PREX1: variants seen among roughly 807,000 people sequenced by gnomAD.
PREX1 encodes the protein phosphatidylinositol 3,4,5-trisphosphate-dependent Rac exchanger 1 protein.
A neutral mutation model predicts 198.3 loss-of-function variants in PREX1; 41 were observed. The ratio of observed to expected loss-of-function variants is 0.21; its 90% CI spans 0.16 to 0.27. The LOEUF is 0.27. Ranked by LOEUF, PREX1 falls within the 10% of genes least tolerant of loss-of-function variation. PREX1 has a pLI of 1.00. For synonymous variants in PREX1, 843 were observed against 887.2 expected, an observed-to-expected ratio of 0.95 and a Z score of 0.89; for missense variants, 1,620 against 2,200.7, an observed-to-expected ratio of 0.74 and a Z score of 5.28.
intron 5 of PREX1, among the ~76,000 whole-genome samples, chr20:48,724,052 A>G (rs1382413004): frequency 6.6e-6 from 1 of 152,216 alleles, no homozygotes; most frequent in African/African-American, 2.4e-5. Flanking sequence ...ACACAGAGCC[A>G]CCGACCTTAG....
At chr20:48,755,194 A>T (rs190550839) in intron 1 of PREX1, among the ~76,000 whole-genome samples, 2 of 152,354 alleles carry the variant, frequency 1.3e-5, no homozygotes, top group East Asian at 3.9e-4. Context: ...TAGGAAAAAA[A>T]ATCAAGTTAC....
rs1411652473 is a variant in PREX1, at chr20:48,666,972, C to T, written c.1666-617G>A. On this transcript the variant is annotated intron_variant, in intron 14 of 39. Coordinates refer to ENST00000371941, the MANE Select transcript of PREX1 (RefSeq NM_020820.4). This position sits in a 1 kb window ranked among gnomAD's most constrained non-coding sequence, Gnocchi z 4.3. ...CCCATTCCTCCCTGGTCAAGAAGCCCTCATCCATCTCCAGCCTCCCTTGCA... is the reference window on the plus strand; with the variant it reads ...CCCATTCCTCCCTGGTCAAGAAGCCTTCATCCATCTCCAGCCTCCCTTGCA... Among the ~76,000 whole-genome samples the T allele has an allele frequency of 6.6e-6, 1 of 152,160 alleles. No homozygotes were observed. Among genetic ancestry groups the T allele is most frequent in the Non-Finnish European group, 1.5e-5 (1 of 68,032 alleles).
intron 19 of PREX1, 95 bp downstream of exon 19, chr20:48,655,195 A>AGAAGCCTAGAGTTCAGAAGGCTC: frequency 1.6e-6 from 2 of 1,230,220 alleles, no homozygotes; most frequent in Non-Finnish European, 2.2e-6. Context: ...ATTGTCTGGC[A>AGAAGCCTAGAGTTCAGAAGGCTC]GAAGCCTAGA....
Position 48,645,856 on chromosome 20 carries a change from G to C in PREX1, c.3507C>G (p.Ser1169=). 1 of 1,613,998 alleles carries C rather than the reference G, an allele frequency of 6.2e-7. No homozygotes were observed. The highest frequency in any genetic ancestry group is 8.5e-7 in the Non-Finnish European group (1 of 1,179,964). ...SGHDTMSYRD[S]YSECNSNRDS... ...CCCCTGACGGTGACACCCACCTGTA[G>C]GAGTCGCGATAACTCATGGTGTCGT... The change falls in exon 26 of 40, where the codon TCC becomes TCG. Residue 1169 remains serine (S), a synonymous_variant. Transcript: ENST00000371941.
intron 1 of PREX1, among the ~76,000 whole-genome samples, chr20:48,777,459 T>C (rs539626291): frequency 6.6e-6 from 1 of 151,888 alleles, no homozygotes; most frequent in South Asian, 2.1e-4. Flanking sequence ...CACCCAGAAG[T>C]GCCTACAGAC....
At chr20:48,702,794 T>C (rs1266743085) in intron 6 of PREX1, among the ~76,000 whole-genome samples, 7 of 152,250 alleles carry the variant, frequency 4.6e-5, no homozygotes, top group Non-Finnish European at 8.8e-5. Flanking sequence ...GGCCGCTGCA[T>C]CGCTTCCTTA....
At chr20:48,641,842 GGAAGGAAGGA>G (rs768525126) in intron 29 of PREX1, among the ~76,000 whole-genome samples, 405 of 14,762 alleles carry the variant, frequency 0.027, 3 homozygotes, top group African/African-American at 0.063. Context: ...GAGAGAGAGA[GGAAGGAAGGA>G]AGGAAGGAAG....
Position 48,679,751 on chromosome 20 carries a change from G to C in PREX1, c.1439C>G (p.Ser480Cys), listed in dbSNP as rs751554710. 6.2e-7 allele frequency: 1 copy of C among 1,609,308 alleles called. No individual in the cohort carries two copies. The highest frequency in any genetic ancestry group is 8.5e-7 in the Non-Finnish European group (1 of 1,175,696). ...CTCATTCTTGAACTGGTGCTTGTCG[G>C]AAACTGGAGAGACAGGAGGACCTGT... ...LLENGIIHHV[S>C]DKHQFKNEQV... is the part of the protein sequence containing the mutation. Residue 480 changes from serine (S) to cysteine (C), a missense_variant, in exon 12 of 40, where the codon TCC becomes TGC. Ser to Cys is a moderately radical substitution (Grantham distance 112, BLOSUM62 -1). Coordinates refer to ENST00000371941, the MANE Select transcript of PREX1 (RefSeq NM_020820.4).
chr20:48,846,963 C>T, the PREX1 span, among the ~76,000 whole-genome samples: 1 of 152,144 alleles, frequency 6.6e-6, no homozygotes, highest in Non-Finnish European at 1.5e-5. Flanking sequence ...TTCTACAAAG[C>T]CTCTGGGAGT....
intron 7 of PREX1, among the ~76,000 whole-genome samples, chr20:48,698,441 G>A (rs1236206724): frequency 1.3e-5 from 2 of 152,148 alleles, no homozygotes; most frequent in Non-Finnish European, 2.9e-5. Flanking sequence ...GCGGGGCAGG[G>A]CTCAGGGTGG....
Position 48,684,136 on chromosome 20 carries a change from G to A in PREX1, c.1335-2801C>T, listed in dbSNP as rs975422949. Among the ~76,000 whole-genome samples the A allele has an allele frequency of 1.3e-5, 2 of 151,972 alleles. No homozygotes were observed. The highest frequency in any genetic ancestry group is 1.3e-4 in the Admixed American group (2 of 15,254). Reference sequence around the variant, plus strand: ...CAGCTTTCATCCCTCCTTCCTTCCCGCCTCCTAGAATCATTCACCCACTAA... The same window carrying A: ...CAGCTTTCATCCCTCCTTCCTTCCCACCTCCTAGAATCATTCACCCACTAA... On this transcript the variant is annotated intron_variant, in intron 10 of 39. Transcript: ENST00000371941. The surrounding 1 kb of genome is among the most constrained non-coding windows in gnomAD (Gnocchi z 4.2).
chr20:48,812,992 A>C (rs183625028), intron 1 of PREX1, among the ~76,000 whole-genome samples: 131 of 152,314 alleles, frequency 8.6e-4, no homozygotes, highest in African/African-American at 3.0e-3. Context: ...TATTTCCCAA[A>C]TTTTCTAAAA....
chr20:48,661,439 A>G (rs2089591573), intron 15 of PREX1, among the ~76,000 whole-genome samples: 1 of 104,816 alleles, frequency 9.5e-6, no homozygotes, highest in Non-Finnish European at 1.7e-5. Flanking sequence ...AAAAAAAAAA[A>G]AAAAAATATA....
At chr20:48,858,287 G>A in the PREX1 span, among the ~76,000 whole-genome samples, 6 of 152,240 alleles carry the variant, frequency 3.9e-5, no homozygotes, top group Admixed American at 6.5e-5. Flanking sequence ...ACTCTGTCTC[G>A]TCCGCCTTGG....
chr20:48,737,360 C>T (rs6066830), intron 3 of PREX1, among the ~76,000 whole-genome samples: 10,827 of 151,804 alleles, frequency 0.071, 494 homozygotes, highest in South Asian at 0.18. Context: ...GGATGTTTTA[C>T]GTCTCATTCA....
intron 1 of PREX1, among the ~76,000 whole-genome samples, chr20:48,762,701 CTTTTTTT>C (rs397816054): frequency 7.8e-6 from 1 of 128,102 alleles, no homozygotes; most frequent in Non-Finnish European, 1.6e-5. Context: ...TATGAAGTTT[CTTTTTTT>C]TTTTTTTTTT....
rs2089321451 is a variant in PREX1 at position 48,632,357 on chromosome 20, G to T, written c.4446C>A (p.Gly1482=). ...GCTGCAAATCCTCCGCGGCCTGGCT[G>T]CCTGGAGAAGGCAGCCCCTCCACGT... ...LENVEGLPSP[G]SQAAEDLQQD... The change falls in exon 35 of 40, where the codon GGC becomes GGA. Residue 1482 remains glycine (G), a synonymous_variant. Transcript: ENST00000371941. The T allele has an allele frequency of 6.2e-7, 1 of 1,613,876 alleles. No individual in the cohort carries two copies. The highest frequency in any genetic ancestry group is 8.5e-7 in the Non-Finnish European group (1 of 1,180,020).
At chr20:48,737,025 T>C (rs539522075) in intron 3 of PREX1, among the ~76,000 whole-genome samples, 44 of 151,720 alleles carry the variant, frequency 2.9e-4, no homozygotes, top group Admixed American at 1.3e-3. Context: ...CATAATGGTG[T>C]TGTGAGGATT....
intron 3 of PREX1, among the ~76,000 whole-genome samples, chr20:48,737,880 G>C (rs746937430): frequency 6.6e-6 from 1 of 152,142 alleles, no homozygotes; most frequent in Non-Finnish European, 1.5e-5. Flanking sequence ...ATCATCATAC[G>C]GAGTCCTGGA....
Sources: allele counts gnomAD v4.1 joint callset (sites outside exome capture counted in the v4.1 genomes callset), GRCh38; gene constraint gnomAD v4.1.1; non-coding constraint Gnocchi (gnomAD v3.1); transcripts MANE v1.5; gene names NCBI Gene and HGNC (gene_info 2026-07-23, HGNC 2026-07-21).